The following TALDO1 variants were observed in gnomAD, a reference collection of about 807,000 sequenced individuals.
TALDO1 encodes transaldolase.
A neutral mutation model predicts 38.1 loss-of-function variants in TALDO1; 29 were observed. That is an observed-to-expected ratio of 0.76 (90% CI 0.57 to 1.04). The LOEUF is 1.04. TALDO1 is among the 50% of genes least tolerant of loss of function. The pLI is 0.00. For missense variants in TALDO1, 499 were observed against 438.1 expected, an observed-to-expected ratio of 1.14 and a Z score of -1.24; for synonymous variants, 207 against 176.8, an observed-to-expected ratio of 1.17 and a Z score of -1.36.
In TALDO1 at chr11:763,959, C is replaced by T. The variant is rs1326241496; in HGVS notation, c.835+15C>T. On this transcript the variant is annotated intron_variant, in intron 6 of 7. Coordinates refer to ENST00000319006, the MANE Select transcript of TALDO1 (RefSeq NM_006755.2). ...AGCCAAGGCGGGTGAGGCCCCACTG[C>T]CCAGCTGTGGCTCCTGCTCGGGCAA... The T allele has an allele frequency of 1.9e-6, 3 of 1,604,922 alleles. No homozygotes were observed. The highest frequency in any genetic ancestry group is 1.3e-5 in the African/African-American group (1 of 74,902).
intron 1 of TALDO1, among the ~76,000 whole-genome samples, chr11:749,326 C>T (rs1209208754): frequency 6.9e-6 from 1 of 145,226 alleles, no homozygotes; most frequent in Non-Finnish European, 1.5e-5. Flanking sequence ...TTGCTGAACC[C>T]AGAAGGCGGA....
At chr11:764,006 C>T in intron 6 of TALDO1, 62 bp downstream of exon 6, 15 of 1,572,020 alleles carry the variant, frequency 9.5e-6, no homozygotes, top group Non-Finnish European at 1.3e-5. Context: ...CCGTGCCACG[C>T]TGCCCTGTGG....
chr11:764,538 G>A, intron 7 of TALDO1, 105 bp downstream of exon 7: 1 of 1,536,372 alleles, frequency 6.5e-7, no homozygotes, highest in Non-Finnish European at 8.8e-7. Context: ...TGAGACCCCA[G>A]GTCTCATTCA....
intron 4 of TALDO1, 33 bp downstream of exon 4, chr11:760,286 G>A: frequency 6.2e-7 from 1 of 1,612,112 alleles, no homozygotes. Flanking sequence ...GGAGCTCTCA[G>A]AGATTTTTCC....
Position 763,363 on chromosome 11 carries a change from G to T in TALDO1, c.481G>T (p.Gly161Cys), listed in dbSNP as rs773834325. Residue 161 changes from glycine to cysteine, a missense_variant, in exon 5 of 8, where the codon GGC becomes TGC. Coordinates refer to ENST00000319006, the MANE Select transcript of TALDO1 (RefSeq NM_006755.2). ...QAGKELEEQH[G>C]IHCNMTLLFS... is the part of the protein sequence containing the mutation. Reference sequence around the variant, plus strand: ...CCGCAGGGAGCTCGAGGAGCAGCACGGCATCCACTGCAACATGACGTTACT... The same window carrying T: ...CCGCAGGGAGCTCGAGGAGCAGCACTGCATCCACTGCAACATGACGTTACT... The T allele has an allele frequency of 1.9e-6, 3 of 1,588,592 alleles. No homozygotes were observed. In the African/African-American group the frequency reaches 4.1e-5, roughly 22 times the overall value.
intron 1 of TALDO1, among the ~76,000 whole-genome samples, chr11:754,792 A>G (rs1590068507): frequency 1.3e-5 from 2 of 151,846 alleles, no homozygotes; most frequent in South Asian, 4.2e-4. Flanking sequence ...TTTTTAAGAG[A>G]TAGGGTCTTG....
intron 2 of TALDO1, among the ~76,000 whole-genome samples, chr11:758,643 C>T (rs529571995): frequency 8.1e-4 from 122 of 151,460 alleles, no homozygotes; most frequent in African/African-American, 2.9e-3. Flanking sequence ...CTCGCTCTGT[C>T]GCTCAGGCTG....
chr11:763,175 G>A (rs777989719), intron 4 of TALDO1, among the ~76,000 whole-genome samples, 169 bp from the exon 5 acceptor site: 2 of 134,282 alleles, frequency 1.5e-5, no homozygotes, highest in African/African-American at 5.8e-5. Context: ...TGGGCACCTG[G>A]CCTGCATTCA....
Position 763,841 on chromosome 11 carries a change from C to G in TALDO1, c.732C>G (p.Ile244Met). The change falls in exon 6 of 8, where the codon ATC (isoleucine) becomes ATG (methionine). Residue 244 changes from isoleucine to methionine, a missense_variant. Transcript: ENST00000319006. ...MGASFRNTGEIKALAGCDFLT... is the reference protein window; with the variant it reads ...MGASFRNTGEMKALAGCDFLT... ...CCTCCTTCCGCAACACGGGCGAGAT[C>G]AAAGCACTGGCCGGCTGTGACTTCC... 1.9e-6 allele frequency: 3 copies of G among 1,614,088 alleles called. No individual in the cohort carries two copies. Among genetic ancestry groups the G allele is most frequent in the East Asian group, 2.2e-5 (1 of 44,882 alleles).
chr11:750,542 C>T (rs1169533551), intron 1 of TALDO1, among the ~76,000 whole-genome samples: 1 of 151,672 alleles, frequency 6.6e-6, no homozygotes, highest in Non-Finnish European at 1.5e-5. Flanking sequence ...TTGTGAACTT[C>T]GGCCGGGTGT....
At chr11:752,955 GGAATT>G (rs1427281384) in intron 1 of TALDO1, among the ~76,000 whole-genome samples, 2 of 152,108 alleles carry the variant, frequency 1.3e-5, no homozygotes, top group Non-Finnish European at 2.9e-5. Context: ...AGACAGGGTT[GGAATT>G]GAATTGGAGG....
intron 6 of TALDO1, 134 bp from the exon 7 acceptor site, chr11:764,154 G>C (rs1863008401): frequency 6.5e-7 from 1 of 1,529,632 alleles, no homozygotes; most frequent in African/African-American, 1.4e-5. Context: ...CCCACTTCCA[G>C]CGTGAGCCTT....
At chr11:748,287 G>A (rs1862692913) in intron 1 of TALDO1, among the ~76,000 whole-genome samples, 1 of 152,220 alleles carries the variant, frequency 6.6e-6, no homozygotes, top group South Asian at 2.1e-4. Context: ...CCGGCCTGCT[G>A]GACAGCCACC....
At chr11:762,385 C>T (rs1271829948) in intron 4 of TALDO1, among the ~76,000 whole-genome samples, 2 of 152,148 alleles carry the variant, frequency 1.3e-5, no homozygotes, top group Non-Finnish European at 2.9e-5. Flanking sequence ...TTGCTGTGGT[C>T]GGTTTCCATT....
Position 756,018 on chromosome 11 carries a change from C to T in TALDO1, c.221+16C>T, listed in dbSNP as rs765103109. 4.3e-6 allele frequency: 7 copies of T among 1,610,462 alleles called. 1 individual carries two copies. In the South Asian group the frequency reaches 5.5e-5, roughly 13 times the overall value. The stretch of plus-strand genomic sequence containing the variant: ...AGCTGGGCGGGTGAGTGCCTGGACT[C>T]GGGAGGGTCCCAGCTAGGCCCTCGT... On this transcript the variant is annotated intron_variant, in intron 2 of 7. Transcript: ENST00000319006.
rs145069149 is a variant in TALDO1 at position 763,504 on chromosome 11, C to T, written c.622C>T (p.Pro208Ser). 5.0e-6 allele frequency: 8 copies of T among 1,613,450 alleles called. No individual in the cohort carries two copies. The African/African-American group carries it at 5.4e-5, about 11-fold the overall frequency. Reference sequence around the variant, plus strand: ...AAACACCGACAAGAAATCCTATGAGCCCCTGGAAGACCCTGGTGAGGGTCC... The same window carrying T: ...AAACACCGACAAGAAATCCTATGAGTCCCTGGAAGACCCTGGTGAGGGTCC... ...VANTDKKSYE[P>S]LEDPGVKSVT... The change falls in exon 5 of 8, where the codon CCC becomes TCC. Residue 208 changes from proline to serine, a missense_variant. Physicochemically the swap from Pro to Ser is moderately conservative, Grantham distance 74. Transcript: ENST00000319006.
chr11:761,026 G>C (rs2133578699), intron 4 of TALDO1: 1 of 142,682 alleles, frequency 7.0e-6, no homozygotes, highest in South Asian at 2.2e-4. Context: ...GCAAGACTCT[G>C]TCTCAAAAAG....
intron 1 of TALDO1, 118 bp from the exon 2 acceptor site, chr11:755,761 G>C (rs577466775): frequency 2.8e-5 from 42 of 1,490,762 alleles, no homozygotes; most frequent in Non-Finnish European, 3.6e-5. Context: ...GCTGGACCCC[G>C]CTTTCGGAAA....
intron 4 of TALDO1, 22 bp downstream of exon 4, chr11:760,275 A>G (rs779802882): frequency 1.2e-6 from 2 of 1,612,926 alleles, no homozygotes; most frequent in South Asian, 2.2e-5. Context: ...CCCACAAGGA[A>G]GGAGCTCTCA....
Sources: gnomAD v4.1 joint callset for allele counts (sites outside exome capture counted in the v4.1 genomes callset) on GRCh38, gnomAD v4.1.1 for gene constraint, MANE v1.5 for transcripts, NCBI Gene and HGNC (gene_info 2026-07-23, HGNC 2026-07-21) for gene names.